CHST9: variants seen among roughly 807,000 people sequenced by gnomAD.
CHST9 encodes the protein GalNAc-4-sulfotransferase 2.
A neutral mutation model predicts 44.4 loss-of-function variants in CHST9; 41 were observed. The ratio of observed to expected loss-of-function variants is 0.92; its 90% CI spans 0.72 to 1.20. CHST9 has a LOEUF of 1.20. Among genes scored for constraint, CHST9 ranks in the 50% most tolerant of loss-of-function variants. The pLI, the probability that CHST9 is intolerant of heterozygous loss-of-function variation, is 0.00. For synonymous variants in CHST9, 171 were observed against 178.4 expected (o/e 0.96, Z 0.33); for missense variants, 504 against 516.5 (o/e 0.98, Z 0.23).
intron 4 of CHST9, among the ~76,000 whole-genome samples, chr18:26,964,914 G>A (rs968245718): frequency 2.6e-5 from 4 of 152,200 alleles, no homozygotes; most frequent in East Asian, 1.9e-4. Context: ...GGAAAGGAGC[G>A]AAGATGGGAG....
chr18:26,925,595 C>A (rs961870563), intron 5 of CHST9, among the ~76,000 whole-genome samples: 13 of 152,190 alleles, frequency 8.5e-5, no homozygotes, highest in African/African-American at 3.1e-4. Context: ...TCGTTAAGAA[C>A]ATGGATTTTT....
chr18:27,005,128 A>T (rs1311247401), intron 4 of CHST9, among the ~76,000 whole-genome samples: 1 of 152,218 alleles, frequency 6.6e-6, no homozygotes, highest in Non-Finnish European at 1.5e-5. Context: ...ATAAATGTTA[A>T]GGCTTAAATA....
At position 26,998,077 on chromosome 18, in the gene CHST9, A is replaced by C. The variant is rs189752347; in HGVS notation, c.202+26039T>G. On this transcript the variant is annotated intron_variant, in intron 4 of 5. Transcript: ENST00000618847. ...CTAGCCAGCTGTTGCTGAAGGGCCC[A>C]ACACCAAATCCCAGCTGAAGAACAG... is the stretch of plus-strand genomic sequence containing the variant. Among the ~76,000 whole-genome samples the C allele has an allele frequency of 9.5e-3, 1,440 of 152,346 alleles. 12 individuals are homozygous for C. Among genetic ancestry groups the C allele is most frequent in the Middle Eastern group, 0.048 (14 of 294 alleles).
chr18:26,921,209 G>A (rs1167532063), intron 5 of CHST9, among the ~76,000 whole-genome samples: 5 of 152,190 alleles, frequency 3.3e-5, no homozygotes, highest in Non-Finnish European at 5.9e-5. Context: ...AATGTCACAT[G>A]AGCCCTCATG....
chr18:27,013,590 T>TA (rs915587998), intron 4 of CHST9, among the ~76,000 whole-genome samples: 12 of 152,166 alleles, frequency 7.9e-5, no homozygotes, highest in African/African-American at 1.2e-4. Context: ...CTCCTTGACT[T>TA]AAAAAAATTA....
At chr18:27,050,116 A>G (rs1366886846) in intron 2 of CHST9, among the ~76,000 whole-genome samples, 4 of 152,186 alleles carry the variant, frequency 2.6e-5, no homozygotes, top group African/African-American at 7.2e-5. Context: ...AGAGAACACA[A>G]GAGAGACTGC....
intron 3 of CHST9, among the ~76,000 whole-genome samples, chr18:27,028,365 C>T (rs2057305150): frequency 6.6e-6 from 1 of 152,150 alleles, no homozygotes; most frequent in Non-Finnish European, 1.5e-5. Context: ...TGGCACAGCA[C>T]ATCTGGGTAC....
rs146487560 is a variant in CHST9, at chr18:26,972,682, G to C, written c.203-28316C>G. Among the ~76,000 whole-genome samples the C allele has an allele frequency of 5.7e-3, 861 of 152,260 alleles. 12 individuals are homozygous for C. Among genetic ancestry groups the C allele is most frequent in the African/African-American group, 0.02 (827 of 41,550 alleles). The stretch of plus-strand genomic sequence containing the variant: ...ACCCGATTTCACTAACTTGATAAAG[G>C]ATCTGTGTTGGGAATGGACTCTGGG... On this transcript the variant is annotated intron_variant, in intron 4 of 5. Coordinates refer to ENST00000618847, the MANE Select transcript of CHST9 (RefSeq NM_031422.6).
intron 2 of CHST9, among the ~76,000 whole-genome samples, chr18:27,058,845 T>C (rs1366718071): frequency 6.6e-6 from 1 of 152,182 alleles, no homozygotes; most frequent in Non-Finnish European, 1.5e-5. Flanking sequence ...CAAAATATCA[T>C]TTTTATATCA....
intron 4 of CHST9, among the ~76,000 whole-genome samples, chr18:26,963,379 T>C (rs764102454): frequency 3.9e-5 from 6 of 152,170 alleles, no homozygotes; most frequent in Non-Finnish European, 8.8e-5. Flanking sequence ...CTCTGTGTCC[T>C]GGTAAGTCAT....
intron 1 of CHST9, among the ~76,000 whole-genome samples, chr18:27,157,132 T>A (rs2058703564): frequency 6.6e-6 from 1 of 152,158 alleles, no homozygotes; most frequent in Admixed American, 6.6e-5. Flanking sequence ...TCCTTCCTTA[T>A]GCCAGATATG....
At chr18:26,982,568 C>T (rs941890486) in intron 4 of CHST9, among the ~76,000 whole-genome samples, 3 of 152,030 alleles carry the variant, frequency 2.0e-5, no homozygotes, top group Admixed American at 6.6e-5. Flanking sequence ...TTACTGGGGA[C>T]GGGGGACACA....
chr18:27,031,549 A>G (rs978859581), intron 3 of CHST9, among the ~76,000 whole-genome samples: 1 of 152,216 alleles, frequency 6.6e-6, no homozygotes, highest in Non-Finnish European at 1.5e-5. Flanking sequence ...CCCTGGCTTC[A>G]GCATCCATTT....
chr18:27,041,787 T>C (rs2143534019), intron 3 of CHST9, among the ~76,000 whole-genome samples: 1 of 152,284 alleles, frequency 6.6e-6, no homozygotes, highest in Admixed American at 6.5e-5. Flanking sequence ...ATTTAATCTC[T>C]ATCATAAATT....
At chr18:27,009,927 G>A (rs563654166) in intron 4 of CHST9, among the ~76,000 whole-genome samples, 2 of 152,242 alleles carry the variant, frequency 1.3e-5, no homozygotes, top group African/African-American at 4.8e-5. Flanking sequence ...AGCCTTGGAG[G>A]TAAAACCAGA....
At chr18:26,961,319 T>C (rs945096012) in intron 4 of CHST9, among the ~76,000 whole-genome samples, 21 of 152,240 alleles carry the variant, frequency 1.4e-4, no homozygotes, top group Admixed American at 6.5e-5. Context: ...TTAAAGTACA[T>C]ATGATTATAT....
At chr18:27,000,515 C>T (rs144768464) in intron 4 of CHST9, among the ~76,000 whole-genome samples, 56 of 152,224 alleles carry the variant, frequency 3.7e-4, no homozygotes, top group Middle Eastern at 3.4e-3. Flanking sequence ...TGATATGTGA[C>T]GTGGAAACAT....
At chr18:27,090,498 G>GT (rs1018290270) in intron 2 of CHST9, among the ~76,000 whole-genome samples, 5 of 152,290 alleles carry the variant, frequency 3.3e-5, no homozygotes, top group African/African-American at 1.2e-4. Context: ...TGCTTTTGGT[G>GT]TTTTAGTCAT....
chr18:27,147,813 G>T (rs1436391754), intron 1 of CHST9: 2 of 149,118 alleles, frequency 1.3e-5, no homozygotes, highest in African/African-American at 5.0e-5. Context: ...ATATGTGTGT[G>T]TTTATCTGGA....
Sources: allele counts gnomAD v4.1 joint callset (sites outside exome capture counted in the v4.1 genomes callset), GRCh38; gene constraint gnomAD v4.1.1; transcripts MANE v1.5; gene names NCBI Gene and HGNC (gene_info 2026-07-23, HGNC 2026-07-21).